ECT2: variants seen among roughly 807,000 people sequenced by gnomAD.
ECT2 encodes epithelial cell transforming 2.
Under a neutral mutation model 116.9 loss-of-function variants are expected in ECT2, and 61 were observed. The ratio of observed to expected loss-of-function variants is 0.52; its 90% CI spans 0.42 to 0.65. ECT2 has a LOEUF of 0.65. Among genes scored for constraint, ECT2 ranks in the 30% least tolerant of loss-of-function variants. ECT2 has a pLI of 0.00. For synonymous variants in ECT2, 358 were observed against 346.4 expected (o/e 1.03, Z -0.37); for missense variants, 937 against 1,078.7 (o/e 0.87, Z 1.84).
chr3:172,797,041 T>TGTGTGTGTGTGTGA (rs1553766479), intron 18 of ECT2, among the ~76,000 whole-genome samples: 61 of 151,694 alleles, frequency 4.0e-4, no homozygotes, highest in African/African-American at 1.4e-3. Context: ...TGTGTGTGTG[T>TGTGTGTGTGTGTGA]GTGTGTGTGT....
At chr3:172,822,921 AAAATT>A (rs1261690335), downstream of ECT2, among the ~76,000 whole-genome samples, 8 of 152,074 alleles carry the variant, frequency 5.3e-5, no homozygotes, top group Non-Finnish European at 1.2e-4. Context: ...TCTGGAGAGA[AAAATT>A]AAAATACTAG....
intron 12 of ECT2, among the ~76,000 whole-genome samples, chr3:172,768,801 A>G (rs1185058631): frequency 1.3e-5 from 2 of 152,176 alleles, no homozygotes; most frequent in African/African-American, 2.4e-5. Flanking sequence ...TGTTTAGTGG[A>G]ATGCCTACCA....
intron 18 of ECT2, among the ~76,000 whole-genome samples, chr3:172,789,786 CT>C (rs1270386951): frequency 6.6e-6 from 1 of 152,118 alleles, no homozygotes; most frequent in South Asian, 2.1e-4. Flanking sequence ...TAAGAAGCAG[CT>C]TTTTTATCTG....
the ECT2 span, among the ~76,000 whole-genome samples, chr3:172,828,334 C>CTGTGTGTGTGTGTGTGTGTGTGTGTG: frequency 3.5e-4 from 53 of 150,264 alleles, 2 homozygotes; most frequent in African/African-American, 1.2e-3. Flanking sequence ...TACCAACAGG[C>CTGTGTGTGTGTGTGTGTGTGTGTGTG]TGTGTGTGTG....
intron 18 of ECT2, among the ~76,000 whole-genome samples, chr3:172,798,273 A>G (rs983404550): frequency 3.3e-5 from 5 of 152,252 alleles, no homozygotes; most frequent in African/African-American, 1.2e-4. Context: ...GCCATGTTTA[A>G]TAGAGATAAC....
chr3:172,828,403 G>A, the ECT2 span, among the ~76,000 whole-genome samples: 29 of 152,000 alleles, frequency 1.9e-4, no homozygotes, highest in Non-Finnish European at 3.4e-4. Flanking sequence ...CTAAATTTAT[G>A]TGGAAATACA....
intron 4 of ECT2, among the ~76,000 whole-genome samples, chr3:172,756,130 T>C (rs1716936797): frequency 6.6e-6 from 1 of 152,176 alleles, no homozygotes; most frequent in African/African-American, 2.4e-5. Context: ...TAACCTTAAT[T>C]ACCTCTTTAA....
intron 14 of ECT2, among the ~76,000 whole-genome samples, chr3:172,780,162 G>T (rs9879111): frequency 6.6e-6 from 1 of 151,970 alleles, no homozygotes; most frequent in African/African-American, 2.4e-5. Context: ...ATAGCATATA[G>T]ATATACTATT....
rs543203142 is a variant in ECT2, at chr3:172,776,745, A to G, written c.1548+2723A>G. ...CTTTTGGTATGTAGATGAATACACC[A>G]TGTAAATGTGTCTTAAATTTGTACA... is the stretch of plus-strand genomic sequence containing the variant. On this transcript the variant is annotated intron_variant, in intron 14 of 24. Transcript: ENST00000392692. Among the ~76,000 whole-genome samples, 18 of 152,326 alleles carry G rather than the reference A, an allele frequency of 1.2e-4. No individual in the cohort carries two copies. In the South Asian group the frequency reaches 1.5e-3, roughly 12 times the overall value.
intron 14 of ECT2, among the ~76,000 whole-genome samples, chr3:172,779,895 C>CA (rs60162451): frequency 2.2e-3 from 239 of 106,990 alleles, no homozygotes; most frequent in East Asian, 8.3e-3. Context: ...GACCCTGTCT[C>CA]AAAAAAAAAA....
chr3:172,778,269 T>TA (rs1338848424), intron 14 of ECT2, among the ~76,000 whole-genome samples: 1 of 152,222 alleles, frequency 6.6e-6, no homozygotes, highest in East Asian at 1.9e-4. Context: ...GAGGAAAAGT[T>TA]AAGAGAATCC....
intron 20 of ECT2, among the ~76,000 whole-genome samples, chr3:172,803,749 C>T (rs1403644956): frequency 1.3e-5 from 2 of 151,696 alleles, no homozygotes; most frequent in African/African-American, 4.8e-5. Flanking sequence ...GTTTCCTTTT[C>T]TTTTCTTTTC....
In ECT2 at chr3:172,762,541, T is replaced by C. The variant is rs766088614; in HGVS notation, c.884T>C (p.Met295Thr). The part of the protein sequence containing the change: ...EKTNMEEMTE[M>T]QGGKYLPLGD... Reference sequence around the variant, plus strand: ...ACCAATATGGAAGAAATGACTGAAATGCAAGGTAAAATTTAGCATAATGTA... The same window carrying C: ...ACCAATATGGAAGAAATGACTGAAACGCAAGGTAAAATTTAGCATAATGTA... Residue 295 changes from methionine (M) to threonine (T), a missense_variant, in exon 9 of 25, where the codon ATG (methionine) becomes ACG (threonine). Transcript: ENST00000392692. 3 of 1,591,100 alleles carry C rather than the reference T, an allele frequency of 1.9e-6. No individual in the cohort carries two copies. The highest frequency in any genetic ancestry group is 2.3e-5 in the South Asian group (2 of 87,298).
intron 22 of ECT2, among the ~76,000 whole-genome samples, chr3:172,810,582 A>G (rs987750974): frequency 7.9e-5 from 12 of 152,146 alleles, no homozygotes; most frequent in African/African-American, 2.7e-4. Flanking sequence ...ATTTGGCCAA[A>G]TCAGAAGCTC....
intron 14 of ECT2, among the ~76,000 whole-genome samples, chr3:172,776,444 G>A (rs1195684570): frequency 6.6e-6 from 1 of 151,918 alleles, no homozygotes; most frequent in Non-Finnish European, 1.5e-5. Flanking sequence ...AAAATTTTGG[G>A]TTTTTTTCTT....
intron 12 of ECT2, among the ~76,000 whole-genome samples, chr3:172,767,387 G>A (rs1719665853): frequency 6.6e-6 from 1 of 152,154 alleles, no homozygotes; most frequent in Admixed American, 6.5e-5. Flanking sequence ...GTTGCAGTGA[G>A]CCGAGATGGC....
At chr3:172,780,137 A>G in intron 14 of ECT2, among the ~76,000 whole-genome samples, 1 of 152,182 alleles carries the variant, frequency 6.6e-6, no homozygotes, top group Non-Finnish European at 1.5e-5. Context: ...ATACATTGAT[A>G]CTATGTATAT....
chr3:172,751,732 T>TTA (rs199513463), intron 1 of ECT2, among the ~76,000 whole-genome samples: 9,312 of 152,220 alleles, frequency 0.061, 961 homozygotes, highest in African/African-American at 0.21. Flanking sequence ...GGGGCATGTG[T>TTA]TATAGTGTGT....
At chr3:172,818,792 A>C in intron 24 of ECT2, 2 of 1,259,232 alleles carry the variant, frequency 1.6e-6, no homozygotes, top group South Asian at 2.6e-5. Context: ...CCACTAATGG[A>C]AACAAGCCTC....
Sources: allele counts gnomAD v4.1 joint callset (sites outside exome capture counted in the v4.1 genomes callset), GRCh38; gene constraint gnomAD v4.1.1; transcripts MANE v1.5; gene names NCBI Gene and HGNC (gene_info 2026-07-23, HGNC 2026-07-21).